The following TMEM273 variants were observed in gnomAD, a reference collection of about 807,000 sequenced individuals.
TMEM273 encodes chromosome 10 open reading frame 128.
TMEM273 carries 19 observed loss-of-function variants against 17.9 expected under a neutral mutation model. That is an observed-to-expected ratio of 1.06 (90% CI 0.74 to 1.55). The LOEUF is 1.55. Among genes scored for constraint, TMEM273 ranks in the 40% most tolerant of loss-of-function variants. The pLI is 0.00. For missense variants in TMEM273, 194 were observed against 155.6 expected, an observed-to-expected ratio of 1.25 and a Z score of -1.31; for synonymous variants, 66 against 62.0, an observed-to-expected ratio of 1.07 and a Z score of -0.31.
chr10:49,164,906 G>A (rs1455908837), intron 5 of TMEM273, among the ~76,000 whole-genome samples: 7 of 152,006 alleles, frequency 4.6e-5, no homozygotes, highest in Admixed American at 2.0e-4. Context: ...GGGGGAGATT[G>A]TCCTACTTCT....
rs1845460869 is a variant in TMEM273, at chr10:49,155,575, G to A, written c.*317C>T. 1 of 455,152 alleles carries A rather than the reference G, an allele frequency of 2.2e-6. No individual in the cohort carries two copies. Among genetic ancestry groups the A allele is most frequent in the African/African-American group, 2.0e-5 (1 of 50,480 alleles). The allele number at this position is 455,152 out of a possible 1,614,324, so 28.2% of individuals were successfully genotyped here. A position where few individuals can be genotyped will look rare whatever the true frequency, so the allele number is the denominator to read the frequency against. On this transcript the variant is annotated 3_prime_UTR_variant, in exon 7 of 7. Transcript: ENST00000374153. ...TTTCTGTGGTAGGTTCCACGGACAT[G>A]GACACCATGGCCTCATGGAAGCATG...
chr10:49,181,912 T>A (rs1193843862), intron 1 of TMEM273, among the ~76,000 whole-genome samples: 1 of 152,204 alleles, frequency 6.6e-6, no homozygotes, highest in Admixed American at 6.5e-5. Context: ...AACTATAGAC[T>A]AAGAAAATAT....
intron 1 of TMEM273, among the ~76,000 whole-genome samples, chr10:49,174,797 G>A (rs552176306): frequency 2.2e-4 from 34 of 152,150 alleles, no homozygotes; most frequent in African/African-American, 7.5e-4. Context: ...GACAATATGC[G>A]TGGTGTCAGA....
At chr10:49,162,935 CCACCCTGATTCCATGGTGGGAGAT>C (rs1368809047) in intron 5 of TMEM273, among the ~76,000 whole-genome samples, 1 of 152,238 alleles carries the variant, frequency 6.6e-6, no homozygotes, top group Non-Finnish European at 1.5e-5. Flanking sequence ...AATGGCCAGT[CCACCCTGATTCCATGGTGGGAGAT>C]GCTGACTCAG....
chr10:49,163,334 G>A (rs1845968549), intron 5 of TMEM273, among the ~76,000 whole-genome samples: 1 of 151,386 alleles, frequency 6.6e-6, no homozygotes, highest in Non-Finnish European at 1.5e-5. Context: ...AGAGAGATGG[G>A]ACATATGGCA....
rs186981955 is a variant in TMEM273, at chr10:49,182,042, G to A, written c.43+6252C>T. Among the ~76,000 whole-genome samples the A allele has an allele frequency of 1.8e-3, 279 of 152,302 alleles. 1 individual carries two copies. The highest frequency in any genetic ancestry group is 6.0e-3 in the African/African-American group (250 of 41,582). Reference sequence around the variant, plus strand: ...AGAAAAATGGGCAGAAGTCATTAGGGGAACTCTTGCCCTATCAGGAAGTAT... The same window carrying A: ...AGAAAAATGGGCAGAAGTCATTAGGAGAACTCTTGCCCTATCAGGAAGTAT... On this transcript the variant is annotated intron_variant, in intron 1 of 6. Coordinates refer to ENST00000374153, the MANE Select transcript of TMEM273 (RefSeq NM_001288740.3).
chr10:49,182,900 G>C (rs1484674221), intron 1 of TMEM273, among the ~76,000 whole-genome samples: 1 of 152,176 alleles, frequency 6.6e-6, no homozygotes, highest in African/African-American at 2.4e-5. Flanking sequence ...TGGCCATGCA[G>C]TCTTCTGGAA....
At chr10:49,183,014 C>A (rs950030641) in intron 1 of TMEM273, among the ~76,000 whole-genome samples, 3 of 151,856 alleles carry the variant, frequency 2.0e-5, no homozygotes, top group African/African-American at 7.3e-5. Context: ...CTGTGCGCTT[C>A]AAAAATATCT....
chr10:49,176,559 A>G (rs1414839650), intron 1 of TMEM273, among the ~76,000 whole-genome samples: 2 of 152,230 alleles, frequency 1.3e-5, no homozygotes, highest in African/African-American at 4.8e-5. Flanking sequence ...AGCGTTGCAT[A>G]ACCGCTAAGT....
chr10:49,167,518 G>T (rs1846272389), intron 2 of TMEM273, among the ~76,000 whole-genome samples: 1 of 152,218 alleles, frequency 6.6e-6, no homozygotes, highest in East Asian at 1.9e-4. Flanking sequence ...AGAGGGTGAG[G>T]CATGCAGACT....
At chr10:49,185,795 A>G (rs2132304103) in intron 1 of TMEM273, among the ~76,000 whole-genome samples, 1 of 152,166 alleles carries the variant, frequency 6.6e-6, no homozygotes, top group East Asian at 1.9e-4. Context: ...CTTGGCCAAC[A>G]TGGAGAAGCC....
At chr10:49,158,403 G>A (rs773791325) in intron 6 of TMEM273, among the ~76,000 whole-genome samples, 44 of 151,808 alleles carry the variant, frequency 2.9e-4, no homozygotes, top group Non-Finnish European at 5.4e-4. Flanking sequence ...ATTCTCCACT[G>A]GGACCTCCCC....
chr10:49,167,828 T>C, intron 2 of TMEM273, 81 bp downstream of exon 2: 1 of 1,560,626 alleles, frequency 6.4e-7, no homozygotes, highest in South Asian at 1.1e-5. Context: ...ATTCCAGCAC[T>C]GCGGCCCTCT....
chr10:49,171,173 G>A (rs374449639), intron 1 of TMEM273, among the ~76,000 whole-genome samples: 1 of 152,234 alleles, frequency 6.6e-6, no homozygotes, highest in South Asian at 2.1e-4. Flanking sequence ...TGTGAAACAG[G>A]CACCCTTCTA....
chr10:49,155,574 T>A lies in TMEM273; in HGVS notation c.*318A>T. 2.2e-6 allele frequency: 1 copy of A among 454,434 alleles called. No individual in the cohort carries two copies. The highest frequency in any genetic ancestry group is 3.9e-6 in the Non-Finnish European group (1 of 253,190). The allele number at this position is 454,434 out of a possible 1,614,324, so 28.2% of individuals were successfully genotyped here. A position where few individuals can be genotyped will look rare whatever the true frequency, so the allele number is the denominator to read the frequency against. ...TTTTCTGTGGTAGGTTCCACGGACA[T>A]GGACACCATGGCCTCATGGAAGCAT... On this transcript the variant is annotated 3_prime_UTR_variant, in exon 7 of 7. Transcript: ENST00000374153.
intron 1 of TMEM273, among the ~76,000 whole-genome samples, chr10:49,176,990 C>T (rs1847023246): frequency 6.6e-6 from 1 of 152,244 alleles, no homozygotes; most frequent in Non-Finnish European, 1.5e-5. Flanking sequence ...GCCCTGCAGT[C>T]CATTCTTCAG....
chr10:49,178,109 C>T, intron 1 of TMEM273: 1 of 445,646 alleles, frequency 2.2e-6, no homozygotes, highest in East Asian at 7.1e-5. Context: ...TCCTGTAAGG[C>T]TGTTTAAAAT....
At position 49,155,558 on chromosome 10, in the gene TMEM273, G is replaced by C. The variant is rs1200789838; in HGVS notation, c.*334C>G. ...CCCTTTTCATGAGCCATTTTCTGTG[G>C]TAGGTTCCACGGACATGGACACCAT... On this transcript the variant is annotated 3_prime_UTR_variant, in exon 7 of 7. Transcript: ENST00000374153. 1 of 386,906 alleles carries C rather than the reference G, an allele frequency of 2.6e-6. No homozygotes were observed. Among genetic ancestry groups the C allele is most frequent in the Admixed American group, 4.2e-5 (1 of 23,770 alleles). 24.0% of individuals were successfully genotyped at this position (386,906 alleles called of 1,614,324 possible).
rs1054722565 is a variant in TMEM273, at chr10:49,156,262, A to G, written c.373-353T>C. 6.0e-6 allele frequency: 8 copies of G among 1,344,504 alleles called. No homozygotes were observed. The African/African-American group carries it at 1.0e-4, about 17-fold the overall frequency. The allele number at this position is 1,344,504 out of a possible 1,614,324, so 83.3% of individuals were successfully genotyped here. A position where few individuals can be genotyped will look rare whatever the true frequency, so the allele number is the denominator to read the frequency against. The stretch of plus-strand genomic sequence containing the variant: ...ATTTGCACAGATCTGGCCAGATGCT[A>G]CGAGGAACAAGATAGATAGACCTAT... On this transcript the variant is annotated intron_variant, in intron 6 of 6. Coordinates refer to ENST00000374153, the MANE Select transcript of TMEM273 (RefSeq NM_001288740.3).
Sources: gnomAD v4.1 joint callset for allele counts (sites outside exome capture counted in the v4.1 genomes callset) on GRCh38, gnomAD v4.1.1 for gene constraint, MANE v1.5 for transcripts, NCBI Gene and HGNC (gene_info 2026-07-23, HGNC 2026-07-21) for gene names.